TNKS: variants seen among roughly 807,000 people sequenced by gnomAD.
The protein encoded by TNKS is tankyrase, also known as poly [ADP-ribose] polymerase tankyrase-1.
TNKS carries 72 observed loss-of-function variants against 135.8 expected under a neutral mutation model. The ratio of observed to expected loss-of-function variants is 0.53; its 90% confidence interval spans 0.44 to 0.64. The LOEUF (loss-of-function observed/expected upper bound fraction) is 0.64, where lower values mean the gene tolerates loss of function less well. Ranked by LOEUF, TNKS falls within the 30% of genes least tolerant of loss-of-function variation. The pLI, the probability that TNKS is intolerant of heterozygous loss-of-function variation, is 0.00. For synonymous variants in TNKS, 849 were observed against 649.3 expected (o/e 1.31, Z -4.68); for missense variants, 1,769 against 1,674.0 (o/e 1.06, Z -0.99).
intron 8 of TNKS, 38 bp downstream of exon 8, chr8:9,707,035 T>A: frequency 1.3e-6 from 2 of 1,497,196 alleles, no homozygotes; most frequent in Non-Finnish European, 1.8e-6. Flanking sequence ...TCGCATAAAT[T>A]GGAATATTTA....
intron 15 of TNKS, among the ~76,000 whole-genome samples, chr8:9,734,146 T>G (rs1805575512): frequency 6.6e-6 from 1 of 152,172 alleles, no homozygotes; most frequent in Admixed American, 6.5e-5. Context: ...AAACACAATA[T>G]CTGATACTCA....
At chr8:9,769,612 C>CTT (rs1163803220) in intron 25 of TNKS, among the ~76,000 whole-genome samples, 5,036 of 73,548 alleles carry the variant, frequency 0.068, 302 homozygotes, top group South Asian at 0.086. Flanking sequence ...CAGGCATTTT[C>CTT]TTTTTTTTTT....
chr8:9,765,974 C>T (rs781756357), intron 24 of TNKS, among the ~76,000 whole-genome samples, 177 bp downstream of exon 24: 1 of 152,202 alleles, frequency 6.6e-6, no homozygotes, highest in Non-Finnish European at 1.5e-5. Flanking sequence ...CACATCAGTA[C>T]AGACTTTCCA....
intron 3 of TNKS, among the ~76,000 whole-genome samples, chr8:9,646,538 T>G (rs922377023): frequency 2.0e-5 from 3 of 152,186 alleles, no homozygotes; most frequent in Non-Finnish European, 2.9e-5. Context: ...ATTGTGTGAT[T>G]GGTGACTTCC....
chr8:9,721,190 G>A (rs958762262), intron 12 of TNKS, among the ~76,000 whole-genome samples: 3 of 151,092 alleles, frequency 2.0e-5, no homozygotes, highest in African/African-American at 7.3e-5. Flanking sequence ...CTGAGGCAAG[G>A]AGAATTGCTT....
intron 3 of TNKS, among the ~76,000 whole-genome samples, chr8:9,632,954 C>G (rs1023070538): frequency 1.3e-5 from 2 of 152,164 alleles, no homozygotes; most frequent in Non-Finnish European, 2.9e-5. Context: ...TGGTCTCAAT[C>G]TCCTGACCTC....
At chr8:9,598,763 G>GTA (rs1798895849) in intron 2 of TNKS, among the ~76,000 whole-genome samples, 1 of 58,720 alleles carries the variant, frequency 1.7e-5, no homozygotes, top group Admixed American at 2.2e-4. Flanking sequence ...ATATGTGTGT[G>GTA]TGTATATATA....
Position 9,761,503 on chromosome 8 carries a change from T to G in TNKS, c.3154-13T>G. 3.1e-6 allele frequency: 5 copies of G among 1,612,160 alleles called. No homozygotes were observed. The highest frequency in any genetic ancestry group is 4.2e-6 in the Non-Finnish European group (5 of 1,179,606). ...GTTAAAGATATCCTAGCTAATTTTG[T>G]TTCATTTTTCAGATTACACTAGATG... On this transcript the variant is annotated splice_polypyrimidine_tract_variant and intron_variant, in intron 20 of 26. Coordinates refer to ENST00000310430, the MANE Select transcript of TNKS (RefSeq NM_003747.3).
chr8:9,579,012 ATGT>A (rs1397202485), intron 1 of TNKS, among the ~76,000 whole-genome samples: 1 of 152,080 alleles, frequency 6.6e-6, no homozygotes. Flanking sequence ...ACTTTGCATA[ATGT>A]TGTTGTTCCT....
At chr8:9,682,490 A>G (rs771596079) in intron 5 of TNKS, among the ~76,000 whole-genome samples, 2 of 152,122 alleles carry the variant, frequency 1.3e-5, no homozygotes, top group African/African-American at 4.8e-5. Context: ...TTAAAGGAGA[A>G]TATACTTCCT....
chr8:9,579,019 T>C (rs1013658435), intron 1 of TNKS, among the ~76,000 whole-genome samples: 3 of 152,230 alleles, frequency 2.0e-5, no homozygotes, highest in Admixed American at 2.0e-4. Context: ...ATAATGTTGT[T>C]GTTCCTTGAC....
chr8:9,770,863 A>G (rs898518798), intron 26 of TNKS, among the ~76,000 whole-genome samples: 10 of 152,176 alleles, frequency 6.6e-5, no homozygotes, highest in African/African-American at 2.2e-4. Flanking sequence ...CCGTGGGCAA[A>G]ACAGTGAAAC....
At chr8:9,625,524 T>A (rs993604976) in intron 3 of TNKS, among the ~76,000 whole-genome samples, 2 of 152,128 alleles carry the variant, frequency 1.3e-5, no homozygotes, top group African/African-American at 4.8e-5. Context: ...TATTTAATGT[T>A]ATAATTTTTC....
chr8:9,638,738 G>A (rs946447309), intron 3 of TNKS, among the ~76,000 whole-genome samples: 8 of 152,156 alleles, frequency 5.3e-5, no homozygotes, highest in Admixed American at 6.5e-5. Flanking sequence ...TTTGAAAAAT[G>A]TGAGGTAGAA....
intron 1 of TNKS, among the ~76,000 whole-genome samples, chr8:9,571,973 C>G (rs971259867): frequency 8.5e-5 from 13 of 152,148 alleles, no homozygotes; most frequent in African/African-American, 3.1e-4. Context: ...GGGAAGGTCT[C>G]TATCCCAGAC....
intron 17 of TNKS, among the ~76,000 whole-genome samples, chr8:9,739,017 C>G (rs1000610884): frequency 2.0e-5 from 3 of 151,744 alleles, no homozygotes; most frequent in Non-Finnish European, 4.4e-5. Flanking sequence ...GTCCAAAACA[C>G]CAAAAGCAAT....
intron 5 of TNKS, among the ~76,000 whole-genome samples, chr8:9,702,733 TA>T (rs200836603): frequency 6.6e-6 from 1 of 150,726 alleles, no homozygotes; most frequent in East Asian, 2.0e-4. Flanking sequence ...TTTTACATTT[TA>T]AAAAAGCACA....
At chr8:9,671,332 C>G (rs1284527693) in intron 3 of TNKS, 3 of 152,104 alleles carry the variant, frequency 2.0e-5, no homozygotes, top group East Asian at 1.9e-4. Flanking sequence ...CATAATCACC[C>G]AAAGACATTT....
chr8:9,653,264 G>C (rs1431235997), intron 3 of TNKS, among the ~76,000 whole-genome samples: 5 of 152,142 alleles, frequency 3.3e-5, no homozygotes, highest in Non-Finnish European at 7.3e-5. Context: ...ATCAAGCAAA[G>C]ATAGGTTTGA....
Sources: allele counts gnomAD v4.1 joint callset (sites outside exome capture counted in the v4.1 genomes callset), GRCh38; gene constraint gnomAD v4.1.1; transcripts MANE v1.5; gene names NCBI Gene and HGNC (gene_info 2026-07-23, HGNC 2026-07-21).